The following CEP112 variants were observed in gnomAD, a reference collection of about 807,000 sequenced individuals.
CEP112 encodes centrosomal protein of 112 kDa.
CEP112 carries 127 observed loss-of-function variants against 153.0 expected under a neutral mutation model. The observed-to-expected ratio is 0.83, with a 90% confidence interval of 0.72 to 0.96. The LOEUF is 0.96. Ranked by LOEUF, CEP112 falls within the 40% of genes least tolerant of loss-of-function variation. The pLI, the probability that CEP112 is intolerant of heterozygous loss-of-function variation, is 0.00. For synonymous variants in CEP112, 358 were observed against 374.4 expected (o/e 0.96, Z 0.51); for missense variants, 1,089 against 1,101.2 (o/e 0.99, Z 0.16).
At chr17:65,660,104 C>T (rs1437811648) in intron 24 of CEP112, among the ~76,000 whole-genome samples, 1 of 151,936 alleles carries the variant, frequency 6.6e-6, no homozygotes, top group African/African-American at 2.4e-5. Flanking sequence ...TGCCAAGGTA[C>T]CTGGGCTTTA....
chr17:66,066,518 C>G (rs1377544525), intron 10 of CEP112, among the ~76,000 whole-genome samples: 2 of 152,132 alleles, frequency 1.3e-5, no homozygotes, highest in Non-Finnish European at 1.5e-5. Context: ...ACTCTTCCAA[C>G]TCTGTATCTA....
At chr17:66,037,800 A>G (rs1447718460) in intron 12 of CEP112, among the ~76,000 whole-genome samples, 1 of 152,190 alleles carries the variant, frequency 6.6e-6, no homozygotes, top group Non-Finnish European at 1.5e-5. Context: ...GAATTTTACA[A>G]CATACCTGAG....
At chr17:66,137,525 A>C (rs1010354670) in intron 4 of CEP112, among the ~76,000 whole-genome samples, 9 of 152,294 alleles carry the variant, frequency 5.9e-5, no homozygotes, top group African/African-American at 1.9e-4. Flanking sequence ...CATTATAATC[A>C]AATTGCCAAA....
intron 11 of CEP112, among the ~76,000 whole-genome samples, chr17:66,062,324 G>A (rs1199669544): frequency 1.3e-5 from 2 of 151,892 alleles, no homozygotes; most frequent in Non-Finnish European, 2.9e-5. Flanking sequence ...ATAAATTATG[G>A]TTTTCTAATG....
intron 12 of CEP112, among the ~76,000 whole-genome samples, chr17:66,032,684 AAT>A (rs1014930867): frequency 4.1e-4 from 62 of 152,304 alleles, no homozygotes; most frequent in African/African-American, 1.4e-3. Flanking sequence ...TTTTGTGCAC[AAT>A]GTTTGGCAAT....
intron 24 of CEP112, chr17:65,655,390 A>G (rs2046012009): frequency 4.0e-6 from 6 of 1,517,922 alleles, no homozygotes; most frequent in African/African-American, 1.4e-5. Context: ...AACTCCAGTA[A>G]AGAACTAAGA....
At position 65,878,320 on chromosome 17, in the gene CEP112, T is replaced by C. The variant is rs532148496; in HGVS notation, c.2163+23832A>G. On this transcript the variant is annotated intron_variant, in intron 20 of 26. Coordinates refer to ENST00000535342, the MANE Select transcript of CEP112 (RefSeq NM_001199165.4). ...GTATGCTAAAACATCAAATTATGCA[T>C]CTTAAACATATAAAGCTATTTGTCA... 3.7e-4 allele frequency among the ~76,000 whole-genome samples: 57 copies of C among 152,286 alleles called. 2 individuals carry two copies. The South Asian group carries it at 0.012, about 31-fold the overall frequency.
intron 17 of CEP112, among the ~76,000 whole-genome samples, chr17:65,964,455 T>C (rs1408087158): frequency 6.6e-6 from 1 of 152,240 alleles, no homozygotes; most frequent in Non-Finnish European, 1.5e-5. Context: ...TTAAGTTGTA[T>C]GTAGGATTTC....
chr17:65,678,995 G>A (rs1425787152), intron 24 of CEP112, among the ~76,000 whole-genome samples: 1 of 152,064 alleles, frequency 6.6e-6, no homozygotes, highest in Non-Finnish European at 1.5e-5. Context: ...TTTAGTGAGG[G>A]TTTTGGGTAC....
chr17:65,967,240 T>C (rs926945453), intron 17 of CEP112, among the ~76,000 whole-genome samples: 12 of 152,150 alleles, frequency 7.9e-5, no homozygotes, highest in African/African-American at 2.7e-4. Flanking sequence ...TAGTTATAAA[T>C]AGGAATGAAG....
chr17:65,785,256 A>G (rs1290348952), intron 21 of CEP112, among the ~76,000 whole-genome samples: 1 of 152,196 alleles, frequency 6.6e-6, no homozygotes, highest in Non-Finnish European at 1.5e-5. Context: ...CTTTTTGACT[A>G]CTATGAATAA....
At chr17:65,946,039 C>T (rs1454278353) in intron 18 of CEP112, among the ~76,000 whole-genome samples, 2 of 152,298 alleles carry the variant, frequency 1.3e-5, no homozygotes, top group East Asian at 3.9e-4. Flanking sequence ...CATTTGAAGT[C>T]AGCCCTTATT....
chr17:66,094,177 A>C (rs1452075280), intron 8 of CEP112, among the ~76,000 whole-genome samples: 1 of 152,106 alleles, frequency 6.6e-6, no homozygotes, highest in Non-Finnish European at 1.5e-5. Flanking sequence ...CTCCCGCCTC[A>C]GCCTCCTGAG....
At chr17:66,063,867 A>G (rs529341632) in intron 10 of CEP112, among the ~76,000 whole-genome samples, 1 of 152,258 alleles carries the variant, frequency 6.6e-6, no homozygotes, top group South Asian at 2.1e-4. Flanking sequence ...CAGATTCCTG[A>G]GTTCATATTC....
At chr17:65,686,454 T>C (rs1165854894) in intron 24 of CEP112, among the ~76,000 whole-genome samples, 1 of 152,242 alleles carries the variant, frequency 6.6e-6, no homozygotes, top group Non-Finnish European at 1.5e-5. Flanking sequence ...AGTTTTGCCA[T>C]GAATTAAATT....
chr17:66,066,228 A>G (rs566120757), intron 10 of CEP112, among the ~76,000 whole-genome samples: 39 of 152,250 alleles, frequency 2.6e-4, no homozygotes, highest in African/African-American at 9.1e-4. Context: ...ATCTGTCCAT[A>G]GTCAACTTAA....
chr17:66,168,859 A>G (rs968007181), intron 4 of CEP112, among the ~76,000 whole-genome samples: 1 of 152,090 alleles, frequency 6.6e-6, no homozygotes, highest in African/African-American at 2.4e-5. Flanking sequence ...CCACCACTAT[A>G]TAAAAAGGCT....
At chr17:66,177,130 C>T in intron 2 of CEP112, 110 bp from the exon 3 acceptor site, 3 of 854,872 alleles carry the variant, frequency 3.5e-6, no homozygotes, top group Non-Finnish European at 5.3e-6. Context: ...ACCAACAAAC[C>T]TTTTCTGTTA....
intron 21 of CEP112, among the ~76,000 whole-genome samples, chr17:65,788,704 G>C (rs2054418595): frequency 6.6e-6 from 1 of 151,696 alleles, no homozygotes; most frequent in Non-Finnish European, 1.5e-5. Flanking sequence ...TATGTTTTTT[G>C]ACTCAATCAG....
Sources: gnomAD v4.1 joint callset for allele counts (sites outside exome capture counted in the v4.1 genomes callset) on GRCh38, gnomAD v4.1.1 for gene constraint, MANE v1.5 for transcripts, NCBI Gene and HGNC (gene_info 2026-07-23, HGNC 2026-07-21) for gene names.